PACRG: variants seen among roughly 807,000 people sequenced by gnomAD.
PACRG encodes parkin coregulated, also known as parkin coregulated gene protein.
In PACRG, 29 loss-of-function variants were observed where a neutral mutation model predicts 29.7. That is an observed-to-expected ratio of 0.98 (90% confidence interval 0.73 to 1.33). The LOEUF (loss-of-function observed/expected upper bound fraction) is 1.33. PACRG is among the 40% of genes most tolerant of loss of function. The probability of loss-of-function intolerance (pLI) is 0.00; values close to 1 mark genes in which losing one functional copy is unlikely to be tolerated. For missense variants in PACRG, 279 were observed against 316.2 expected (o/e 0.88, Z 0.89); for synonymous variants, 116 against 118.7 (o/e 0.98, Z 0.15).
At chr6:163,269,790 A>C (rs373520511) in intron 4 of PACRG, among the ~76,000 whole-genome samples, 8,907 of 89,750 alleles carry the variant, frequency 0.099, 1,750 homozygotes, top group Middle Eastern at 0.23. Context: ...GACAGAAAGA[A>C]AGAAAGGAAG....
chr6:163,201,557 C>T (rs73597520), intron 4 of PACRG, among the ~76,000 whole-genome samples: 1,679 of 152,314 alleles, frequency 0.011, 37 homozygotes, highest in African/African-American at 0.038. Context: ...AGCTCCCTAA[C>T]CCCTACTCAT....
At chr6:163,152,980 G>GT (rs1254304079) in intron 4 of PACRG, among the ~76,000 whole-genome samples, 1 of 152,238 alleles carries the variant, frequency 6.6e-6, no homozygotes, top group African/African-American at 2.4e-5. Flanking sequence ...GAGAGCCAGT[G>GT]TTTTGCAGTC....
At chr6:163,130,041 G>T (rs1562931449) in intron 4 of PACRG, among the ~76,000 whole-genome samples, 1 of 152,160 alleles carries the variant, frequency 6.6e-6, no homozygotes, top group African/African-American at 2.4e-5. Context: ...TGGTTCCTGG[G>T]GACATAGTGG....
At chr6:163,148,486 A>G (rs1321056188) in intron 4 of PACRG, among the ~76,000 whole-genome samples, 1 of 152,140 alleles carries the variant, frequency 6.6e-6, no homozygotes. Flanking sequence ...CTAGCCAGAG[A>G]GCTGCATGGA....
At chr6:163,212,868 T>A (rs1781208664) in intron 4 of PACRG, among the ~76,000 whole-genome samples, 1 of 151,740 alleles carries the variant, frequency 6.6e-6, no homozygotes, top group Non-Finnish European at 1.5e-5. Flanking sequence ...AAGCTATGCC[T>A]CCCAGGTTCA....
rs563849065 is a variant in PACRG at position 163,058,613 on chromosome 6, A to C, written c.292-3537A>C. 9.9e-5 allele frequency among the ~76,000 whole-genome samples: 15 copies of C among 152,146 alleles called. No individual in the cohort carries two copies. The East Asian group carries it at 2.7e-3, about 28-fold the overall frequency. On this transcript the variant is annotated intron_variant, in intron 2 of 4. Transcript: ENST00000366888. Reference sequence around the variant, plus strand: ...TCTCTACTTAAAAAAATACGAAATTAAGGCCAGGCGCTGTGGCTCACGCCT... The same window carrying C: ...TCTCTACTTAAAAAAATACGAAATTCAGGCCAGGCGCTGTGGCTCACGCCT...
Position 162,779,338 on chromosome 6 carries a change from A to G in PACRG, c.157-34809A>G, listed in dbSNP as rs535047563. Among the ~76,000 whole-genome samples the G allele has an allele frequency of 4.5e-4, 68 of 152,356 alleles. 1 individual carries two copies. In the South Asian group the frequency reaches 0.014, roughly 31 times the overall value. The stretch of plus-strand genomic sequence containing the variant: ...GCTATTGCCAACACTATATTTTAAA[A>G]GAAAATATTTCTACTTCTTGAAGGG... On this transcript the variant is annotated intron_variant, in intron 1 of 4. Coordinates refer to ENST00000366888, the MANE Select transcript of PACRG (RefSeq NM_001080379.2).
chr6:163,151,528 G>A (rs1198160680), intron 4 of PACRG, among the ~76,000 whole-genome samples: 1 of 152,120 alleles, frequency 6.6e-6, no homozygotes, highest in Non-Finnish European at 1.5e-5. Context: ...CTGCAAATTA[G>A]CACGAATCTG....
rs377009746 is a variant in PACRG at position 163,311,844 on chromosome 6, G to A, written c.614-2983G>A. ...TTTAAAAGTAAGAACATGAGATAAA[G>A]TTCTGCTTGTCATTGCTGCCTTCTG... On this transcript the variant is annotated intron_variant, in intron 4 of 4. Coordinates refer to ENST00000366888, the MANE Select transcript of PACRG (RefSeq NM_001080379.2). Among the ~76,000 whole-genome samples, 6 of 152,270 alleles carry A rather than the reference G, an allele frequency of 3.9e-5. No homozygotes were observed. The East Asian group carries it at 1.2e-3, about 29-fold the overall frequency.
chr6:163,123,673 C>T (rs6908157), intron 4 of PACRG, among the ~76,000 whole-genome samples: 16,056 of 152,168 alleles, frequency 0.11, 994 homozygotes, highest in East Asian at 0.24. Flanking sequence ...CCTCTCCATC[C>T]GCTAGTAACC....
At chr6:163,255,045 A>C (rs1783054566) in intron 4 of PACRG, among the ~76,000 whole-genome samples, 1 of 152,236 alleles carries the variant, frequency 6.6e-6, no homozygotes, top group East Asian at 1.9e-4. Flanking sequence ...TGTTGCCCTG[A>C]GAGGTTAGCA....
intron 2 of PACRG, among the ~76,000 whole-genome samples, chr6:162,987,277 T>C (rs1802985007): frequency 6.6e-6 from 1 of 152,128 alleles, no homozygotes; most frequent in African/African-American, 2.4e-5. Flanking sequence ...TTGCATTGAT[T>C]GTTATTGCTC....
intron 1 of PACRG, among the ~76,000 whole-genome samples, chr6:162,789,049 G>T (rs1399152994): frequency 6.6e-6 from 1 of 152,236 alleles, no homozygotes; most frequent in East Asian, 1.9e-4. Flanking sequence ...CTAGACCAGG[G>T]AGTGCATGCT....
chr6:162,824,849 A>G (rs539456325), intron 2 of PACRG, among the ~76,000 whole-genome samples: 1 of 152,338 alleles, frequency 6.6e-6, no homozygotes, highest in East Asian at 1.9e-4. Flanking sequence ...AGTATATATC[A>G]AGTCTTAAGA....
At chr6:163,104,076 A>G (rs924613575) in intron 4 of PACRG, among the ~76,000 whole-genome samples, 1 of 152,250 alleles carries the variant, frequency 6.6e-6, no homozygotes, top group African/African-American at 2.4e-5. Flanking sequence ...ATCCGATTTA[A>G]CAACTATTAT....
chr6:163,072,999 A>G (rs1380031515), intron 3 of PACRG, among the ~76,000 whole-genome samples: 1 of 152,202 alleles, frequency 6.6e-6, no homozygotes, highest in Non-Finnish European at 1.5e-5. Context: ...AATTGGAAGA[A>G]TCGATTTTAT....
chr6:162,997,943 C>T (rs1323455346), intron 2 of PACRG, among the ~76,000 whole-genome samples: 1 of 152,176 alleles, frequency 6.6e-6, no homozygotes, highest in Admixed American at 6.5e-5. Context: ...TCCCTCCTTT[C>T]TCAGAGCCAG....
At chr6:162,859,319 T>A (rs574562772) in intron 2 of PACRG, among the ~76,000 whole-genome samples, 14 of 152,344 alleles carry the variant, frequency 9.2e-5, no homozygotes, top group African/African-American at 3.4e-4. Context: ...CTTTTAAATG[T>A]CTACTAGAAT....
At chr6:163,075,593 C>G (rs1057060740) in intron 3 of PACRG, among the ~76,000 whole-genome samples, 2 of 152,040 alleles carry the variant, frequency 1.3e-5, no homozygotes, top group African/African-American at 4.8e-5. Context: ...ATAAGACTGG[C>G]TTAACACTAG....
Sources: allele counts gnomAD v4.1 joint callset (sites outside exome capture counted in the v4.1 genomes callset), GRCh38; gene constraint gnomAD v4.1.1; transcripts MANE v1.5; gene names NCBI Gene and HGNC (gene_info 2026-07-23, HGNC 2026-07-21).